AGBL4: variants seen among roughly 807,000 people sequenced by gnomAD.
The protein encoded by AGBL4 is AGBL carboxypeptidase 4.
AGBL4 carries 58 observed loss-of-function variants against 66.4 expected under a neutral mutation model. The observed-to-expected ratio is 0.87, with a 90% CI of 0.71 to 1.09. The LOEUF is 1.09. Among genes scored for constraint, AGBL4 ranks in the 50% least tolerant of loss-of-function variants. The pLI, the probability that AGBL4 is intolerant of heterozygous loss-of-function variation, is 0.00. For synonymous variants in AGBL4, 234 were observed against 222.9 expected (o/e 1.05, Z -0.44); for missense variants, 579 against 631.0 (o/e 0.92, Z 0.88).
At chr1:49,084,766 A>G (rs577139384) in intron 4 of AGBL4, among the ~76,000 whole-genome samples, 1 of 152,258 alleles carries the variant, frequency 6.6e-6, no homozygotes, top group African/African-American at 2.4e-5. Flanking sequence ...TCTCTAGACC[A>G]AACTATTGAC....
intron 2 of AGBL4, among the ~76,000 whole-genome samples, chr1:49,834,357 A>G (rs1241680292): frequency 6.6e-6 from 1 of 152,168 alleles, no homozygotes; most frequent in Admixed American, 6.5e-5. Context: ...TAGATATTCT[A>G]ATTTATTTGC....
chr1:49,948,536 A>AATATATATAAAT (rs1317911533), intron 1 of AGBL4, among the ~76,000 whole-genome samples: 2 of 57,528 alleles, frequency 3.5e-5, no homozygotes, highest in South Asian at 1.6e-3. Context: ...AATATATATA[A>AATATATATAAAT]ATATATAAAT....
At chr1:48,684,888 T>C (rs1273265889) in intron 6 of AGBL4, among the ~76,000 whole-genome samples, 1 of 152,204 alleles carries the variant, frequency 6.6e-6, no homozygotes, top group Admixed American at 6.5e-5. Context: ...ATAAAGCACC[T>C]TGCTGTGGTG....
At chr1:48,692,888 A>T (rs1531902) in intron 6 of AGBL4, among the ~76,000 whole-genome samples, 27,325 of 152,180 alleles carry the variant, frequency 0.18, 6,848 homozygotes, top group African/African-American at 0.56. Flanking sequence ...CAGCTGATAC[A>T]TATTGAGTGT....
Position 49,758,578 on chromosome 1 carries a change from G to A in AGBL4, c.158-61141C>T, listed in dbSNP as rs184710492. Among the ~76,000 whole-genome samples the A allele has an allele frequency of 1.1e-3, 173 of 152,288 alleles. 1 individual carries two copies. Among genetic ancestry groups the A allele is most frequent in the African/African-American group, 4.0e-3 (166 of 41,560 alleles). Reference sequence around the variant, plus strand: ...AAAGGATATCATTTGGGAGCTTTAAGATTTAATGACTGCCCTGCTGGATTT... The same window carrying A: ...AAAGGATATCATTTGGGAGCTTTAAAATTTAATGACTGCCCTGCTGGATTT... On this transcript the variant is annotated intron_variant, in intron 2 of 13. Coordinates refer to ENST00000371839, the MANE Select transcript of AGBL4 (RefSeq NM_032785.4).
intron 6 of AGBL4, chr1:48,761,607 G>A: frequency 1.1e-6 from 1 of 894,050 alleles, no homozygotes; most frequent in Non-Finnish European, 1.7e-6. Flanking sequence ...CAGACTCAAG[G>A]CTGGTTCCCT....
chr1:48,526,781 C>G, the AGBL4 span, among the ~76,000 whole-genome samples: 1 of 151,706 alleles, frequency 6.6e-6, no homozygotes, highest in African/African-American at 2.4e-5. Flanking sequence ...TATAACCACA[C>G]CAGCAACAAT....
At chr1:49,550,076 GT>G (rs1652832262) in intron 3 of AGBL4, among the ~76,000 whole-genome samples, 1 of 152,144 alleles carries the variant, frequency 6.6e-6, no homozygotes, top group Admixed American at 6.6e-5. Flanking sequence ...TTTAAAGTGT[GT>G]TTTGTTTGAT....
chr1:49,722,748 A>G (rs1648707347), intron 2 of AGBL4, among the ~76,000 whole-genome samples: 2 of 152,132 alleles, frequency 1.3e-5, no homozygotes, highest in Non-Finnish European at 2.9e-5. Context: ...TGGGCCTATG[A>G]CAGGTAACTT....
At chr1:49,127,001 G>A (rs1386174018) in intron 4 of AGBL4, among the ~76,000 whole-genome samples, 1 of 151,994 alleles carries the variant, frequency 6.6e-6, no homozygotes, top group Non-Finnish European at 1.5e-5. Flanking sequence ...AGACTTAAAG[G>A]TATGCTTCCA....
intron 1 of AGBL4, among the ~76,000 whole-genome samples, chr1:49,970,480 G>T (rs189518511): frequency 6.6e-6 from 1 of 152,132 alleles, no homozygotes; most frequent in East Asian, 1.9e-4. Context: ...ATCCAAATAG[G>T]TAACAGGTAT....
At chr1:49,068,169 A>G (rs1644526781) in intron 4 of AGBL4, among the ~76,000 whole-genome samples, 1 of 152,154 alleles carries the variant, frequency 6.6e-6, no homozygotes, top group Non-Finnish European at 1.5e-5. Context: ...TGATTTTTAT[A>G]GTAATAATAT....
chr1:48,676,698 G>T (rs113342500), intron 6 of AGBL4, among the ~76,000 whole-genome samples: 9 of 152,272 alleles, frequency 5.9e-5, no homozygotes, highest in African/African-American at 2.2e-4. Context: ...CCTGTGGACA[G>T]TTCCTTCACG....
chr1:49,130,136 C>A (rs1185367733), intron 4 of AGBL4, among the ~76,000 whole-genome samples: 1 of 152,060 alleles, frequency 6.6e-6, no homozygotes, highest in Non-Finnish European at 1.5e-5. Context: ...CTGTTCATGT[C>A]CTTTGCCCAC....
In AGBL4 at chr1:49,804,321, G is replaced by A. The variant is rs149670813; in HGVS notation, c.157+47075C>T. 2.4e-4 allele frequency among the ~76,000 whole-genome samples: 37 copies of A among 152,210 alleles called. 1 individual carries two copies. The East Asian group carries it at 5.0e-3, about 21-fold the overall frequency. On this transcript the variant is annotated intron_variant, in intron 2 of 13. Coordinates refer to ENST00000371839, the MANE Select transcript of AGBL4 (RefSeq NM_032785.4). ...CTCATTAGCTATCATTAGTCTTAGTGTATTTTGTGTGTGGCCCAAGATAAT... is the reference window on the plus strand; with the variant it reads ...CTCATTAGCTATCATTAGTCTTAGTATATTTTGTGTGTGGCCCAAGATAAT...
At chr1:49,903,900 A>T (rs1367797769) in intron 1 of AGBL4, among the ~76,000 whole-genome samples, 3 of 152,154 alleles carry the variant, frequency 2.0e-5, no homozygotes, top group Non-Finnish European at 4.4e-5. Flanking sequence ...AAGAAATAAG[A>T]GGGAAACAAT....
rs118064454 is a variant in AGBL4, at chr1:49,282,122, T to C, written c.283-36258A>G. ...TCATAGGCTACTCAGTTGGTGTCCATTGGAGAATTGCTTGGTGTGTGTGAG... is the reference window on the plus strand; with the variant it reads ...TCATAGGCTACTCAGTTGGTGTCCACTGGAGAATTGCTTGGTGTGTGTGAG... On this transcript the variant is annotated intron_variant, in intron 3 of 13. Transcript: ENST00000371839. Among the ~76,000 whole-genome samples, 1,246 of 152,324 alleles carry C rather than the reference T, an allele frequency of 8.2e-3. 10 individuals are homozygous for C. The highest frequency in any genetic ancestry group is 0.031 in the Middle Eastern group (9 of 294).
At chr1:49,745,334 A>G (rs535052530) in intron 2 of AGBL4, among the ~76,000 whole-genome samples, 1 of 152,084 alleles carries the variant, frequency 6.6e-6, no homozygotes, top group Non-Finnish European at 1.5e-5. Context: ...AGCTATTTTG[A>G]GACAGAGAGA....
chr1:49,572,520 T>C (rs1253516009), intron 3 of AGBL4, among the ~76,000 whole-genome samples: 1 of 152,228 alleles, frequency 6.6e-6, no homozygotes, highest in Admixed American at 6.5e-5. Context: ...TTCATTTCAC[T>C]GATTTTAAAA....
Sources: allele counts gnomAD v4.1 joint callset (sites outside exome capture counted in the v4.1 genomes callset), GRCh38; gene constraint gnomAD v4.1.1; transcripts MANE v1.5; gene names NCBI Gene and HGNC (gene_info 2026-07-23, HGNC 2026-07-21).